Variants in DCP1A observed in about 807,000 individuals in gnomAD.
DCP1A encodes the protein decapping mRNA 1A.
DCP1A carries 20 observed loss-of-function variants against 58.0 expected under a neutral mutation model. The ratio of observed to expected loss-of-function variants is 0.34; its 90% CI spans 0.24 to 0.50. DCP1A has a LOEUF of 0.50. DCP1A is among the 20% of genes least tolerant of loss of function. The probability of loss-of-function intolerance (pLI) is 0.98; values close to 1 mark genes in which losing one functional copy is unlikely to be tolerated. For missense variants in DCP1A, 613 were observed against 712.2 expected (o/e 0.86, Z 1.59); for synonymous variants, 285 against 275.1 (o/e 1.04, Z -0.36).
In DCP1A at chr3:53,288,291, G is replaced by A; in HGVS notation, c.1450-8C>T. 1 of 1,597,390 alleles carries A rather than the reference G, an allele frequency of 6.3e-7. No homozygotes were observed. The highest frequency in any genetic ancestry group is 1.3e-5 in the African/African-American group (1 of 74,702). On this transcript the variant is annotated splice_polypyrimidine_tract_variant and splice_region_variant and intron_variant, in intron 8 of 9. Coordinates refer to ENST00000610213, the MANE Select transcript of DCP1A (RefSeq NM_018403.7). Reference sequence around the variant, plus strand: ...CAGTGGGGCGCCTGCAACCTGGAGAGTGACAATGGTCATTTTGTACCGAAG... The same window carrying A: ...CAGTGGGGCGCCTGCAACCTGGAGAATGACAATGGTCATTTTGTACCGAAG...
At chr3:53,332,870 A>G (rs892137322) in intron 3 of DCP1A, among the ~76,000 whole-genome samples, 1 of 151,964 alleles carries the variant, frequency 6.6e-6, no homozygotes, top group African/African-American at 2.4e-5. Context: ...AAAAAAAAAA[A>G]GAAATTTCTA....
At chr3:53,328,181 G>C (rs2106869945) in intron 3 of DCP1A, among the ~76,000 whole-genome samples, 1 of 152,152 alleles carries the variant, frequency 6.6e-6, no homozygotes, top group East Asian at 1.9e-4. Flanking sequence ...CAGTGACTTT[G>C]TAAGTGACTC....
intron 3 of DCP1A, among the ~76,000 whole-genome samples, chr3:53,322,154 T>A (rs1707985910): frequency 6.6e-6 from 1 of 152,098 alleles, no homozygotes; most frequent in Admixed American, 6.6e-5. Flanking sequence ...AATCTTAACT[T>A]TAAAAGTTTC....
intron 6 of DCP1A, among the ~76,000 whole-genome samples, chr3:53,297,244 A>T (rs1707157516): frequency 6.6e-6 from 1 of 152,164 alleles, no homozygotes; most frequent in South Asian, 2.1e-4. Context: ...TCCTATTAAA[A>T]TCTTTTACCC....
At chr3:53,308,446 C>G (rs1481595152) in intron 5 of DCP1A, among the ~76,000 whole-genome samples, 2 of 152,122 alleles carry the variant, frequency 1.3e-5, no homozygotes, top group East Asian at 3.9e-4. Context: ...TGCACACCAC[C>G]ACACCTGGCT....
At chr3:53,328,116 G>A (rs1238886202) in intron 3 of DCP1A, among the ~76,000 whole-genome samples, 1 of 151,100 alleles carries the variant, frequency 6.6e-6, no homozygotes, top group Admixed American at 6.6e-5. Context: ...GCAAAACTCC[G>A]TCTCAGGAAA....
chr3:53,307,246 G>C (rs1310729389), intron 5 of DCP1A, among the ~76,000 whole-genome samples: 4 of 151,922 alleles, frequency 2.6e-5, no homozygotes, highest in African/African-American at 9.7e-5. Flanking sequence ...ACCACACCCG[G>C]CCCCAGGCTG....
At chr3:53,324,223 T>C (rs1270529449) in intron 3 of DCP1A, among the ~76,000 whole-genome samples, 1 of 152,202 alleles carries the variant, frequency 6.6e-6, no homozygotes, top group South Asian at 2.1e-4. Context: ...GATAGCTTAA[T>C]GGGTAAGGGA....
chr3:53,294,955 C>G (rs376039534), intron 6 of DCP1A, among the ~76,000 whole-genome samples: 2 of 152,216 alleles, frequency 1.3e-5, no homozygotes, highest in Admixed American at 1.3e-4. Flanking sequence ...CCCAGGACCA[C>G]AGATCCCATC....
At chr3:53,345,023 C>A in intron 1 of DCP1A, 81 bp from the exon 2 acceptor site, 1 of 1,044,936 alleles carries the variant, frequency 9.6e-7, no homozygotes. Flanking sequence ...TAATGCTTCA[C>A]GTTTAAGATC....
intron 6 of DCP1A, among the ~76,000 whole-genome samples, chr3:53,297,458 T>G (rs1707168355): frequency 6.6e-6 from 1 of 151,936 alleles, no homozygotes; most frequent in East Asian, 1.9e-4. Flanking sequence ...CCTCCTGGGT[T>G]CAAGTGATAG....
At position 53,286,451 on chromosome 3, in the gene DCP1A, G is replaced by T. The variant is rs1337527780; in HGVS notation, c.*1129C>A. The T allele has an allele frequency of 2.0e-5, 3 of 152,120 alleles. No individual in the cohort carries two copies. The highest frequency in any genetic ancestry group is 7.2e-5 in the African/African-American group (3 of 41,420). 9.4% of individuals were successfully genotyped at this position (152,120 alleles called of 1,614,324 possible). On this transcript the variant is annotated 3_prime_UTR_variant, in exon 10 of 10. Coordinates refer to ENST00000610213, the MANE Select transcript of DCP1A (RefSeq NM_018403.7). Reference sequence around the variant, plus strand: ...CTAAACACCATTACATGCCATAAAAGAATAAATAGAAATCATGGCAGATCA... The same window carrying T: ...CTAAACACCATTACATGCCATAAAATAATAAATAGAAATCATGGCAGATCA...
rs1706538001 is a variant in DCP1A, at chr3:53,284,159, C to G, written c.*3421G>C. On this transcript the variant is annotated 3_prime_UTR_variant, in exon 10 of 10. Transcript: ENST00000610213. ...CCCTAGGATTCCTCAGTTCTCCTCACTCACACGGGCTGAGCCCACTCGTGC... is the reference window on the plus strand; with the variant it reads ...CCCTAGGATTCCTCAGTTCTCCTCAGTCACACGGGCTGAGCCCACTCGTGC... The G allele has an allele frequency of 6.6e-6, 1 of 152,240 alleles. No individual in the cohort carries two copies. Among genetic ancestry groups the G allele is most frequent in the Admixed American group, 6.5e-5 (1 of 15,290 alleles). 9.4% of individuals were successfully genotyped at this position (152,240 alleles called of 1,614,324 possible).
At chr3:53,289,681 T>C (rs1408510402) in intron 8 of DCP1A, among the ~76,000 whole-genome samples, 1 of 152,048 alleles carries the variant, frequency 6.6e-6, no homozygotes, top group Non-Finnish European at 1.5e-5. Context: ...AATGAGAAAA[T>C]TTCTTAAAAT....
At chr3:53,290,918 A>C in intron 7 of DCP1A, 62 bp from the exon 8 acceptor site, 4 of 1,404,176 alleles carry the variant, frequency 2.8e-6, no homozygotes, top group Non-Finnish European at 3.9e-6. Context: ...AAGACTTCCT[A>C]GTCTTAATTG....
chr3:53,310,408 A>T (rs1429326354), intron 5 of DCP1A, among the ~76,000 whole-genome samples: 1 of 152,206 alleles, frequency 6.6e-6, no homozygotes, highest in African/African-American at 2.4e-5. Flanking sequence ...AGCCTGAGTA[A>T]GCCAGGCCAC....
rs1302206227 is a variant in DCP1A, at chr3:53,322,973, C to T, written c.305-3500G>A. 7.2e-5 allele frequency among the ~76,000 whole-genome samples: 11 copies of T among 151,994 alleles called. 1 individual carries two copies. The highest frequency in any genetic ancestry group is 7.2e-5 in the African/African-American group (3 of 41,394). On this transcript the variant is annotated intron_variant, in intron 3 of 9. Transcript: ENST00000610213. ...CAGGCGCCCGGGGATTACAGGCGCC[C>T]GTCACCACACCCGGCTAACTTTTTG...
chr3:53,340,026 C>T (rs1006590582), intron 3 of DCP1A, among the ~76,000 whole-genome samples: 6 of 152,114 alleles, frequency 3.9e-5, no homozygotes, highest in African/African-American at 9.7e-5. Context: ...TGGGTTCAAG[C>T]GACTTTCCCA....
Position 53,302,692 on chromosome 3 carries a change from G to A in DCP1A, c.624+1485C>T, listed in dbSNP as rs1323580054. Among the ~76,000 whole-genome samples the A allele has an allele frequency of 5.3e-5, 8 of 152,128 alleles. No individual in the cohort carries two copies. The East Asian group carries it at 1.4e-3, about 26-fold the overall frequency. On this transcript the variant is annotated intron_variant, in intron 6 of 9. Coordinates refer to ENST00000610213, the MANE Select transcript of DCP1A (RefSeq NM_018403.7). ...GGCTGGAGTGCAGTGGCGCAATCAC[G>A]GCTCACTGCAACCTCCACCTCCCGG...
Sources: gnomAD v4.1 joint callset for allele counts (sites outside exome capture counted in the v4.1 genomes callset) on GRCh38, gnomAD v4.1.1 for gene constraint, MANE v1.5 for transcripts, NCBI Gene and HGNC (gene_info 2026-07-23, HGNC 2026-07-21) for gene names.